Variants in PCSK2 observed in about 807,000 individuals in gnomAD.
PCSK2 encodes the protein neuroendocrine convertase 2.
A neutral mutation model predicts 69.7 loss-of-function variants in PCSK2; 14 were observed. The observed-to-expected ratio is 0.20, with a 90% CI of 0.13 to 0.31. The LOEUF is 0.31. Among genes scored for constraint, PCSK2 ranks in the 10% least tolerant of loss-of-function variants. The probability of loss-of-function intolerance (pLI) is 1.00; values close to 1 mark genes in which losing one functional copy is unlikely to be tolerated. For missense variants in PCSK2, 544 were observed against 842.5 expected (o/e 0.65, Z 4.39); for synonymous variants, 307 against 320.7 (o/e 0.96, Z 0.46).
At chr20:17,266,176 G>A (rs1403587896) in intron 2 of PCSK2, among the ~76,000 whole-genome samples, 4 of 152,152 alleles carry the variant, frequency 2.6e-5, no homozygotes, top group South Asian at 2.1e-4. Flanking sequence ...TAAAAAGGGC[G>A]GCACTTGAGC....
chr20:17,433,560 C>T lies in PCSK2; in HGVS notation c.710-3148C>T, dbSNP rs888161014. Among the ~76,000 whole-genome samples the T allele has an allele frequency of 3.9e-5, 6 of 152,272 alleles. No homozygotes were observed. The East Asian group carries it at 5.8e-4, about 15-fold the overall frequency. On this transcript the variant is annotated intron_variant, in intron 7 of 11. Transcript: ENST00000262545. ...TCAAATCCCCTGGACATGCAGCCCC[C>T]GGGGCACCAGGGCTAGCCACAGTGC...
chr20:17,303,560 T>A (rs1319649004), intron 2 of PCSK2, among the ~76,000 whole-genome samples: 2 of 104,168 alleles, frequency 1.9e-5, no homozygotes, highest in Admixed American at 2.8e-4. Flanking sequence ...ATAATATATA[T>A]TATATAATAT....
At chr20:17,332,859 T>C (rs1252954110) in intron 2 of PCSK2, among the ~76,000 whole-genome samples, 5 of 152,198 alleles carry the variant, frequency 3.3e-5, no homozygotes, top group South Asian at 4.1e-4. Context: ...ATATGCAATA[T>C]AGTCTTTGAA....
At chr20:17,428,902 G>A (rs2032303821) in intron 6 of PCSK2, among the ~76,000 whole-genome samples, 1 of 142,664 alleles carries the variant, frequency 7.0e-6, no homozygotes, top group African/African-American at 2.6e-5. Context: ...AAGAGGCTGA[G>A]GCAAGAGAAT....
intron 2 of PCSK2, among the ~76,000 whole-genome samples, chr20:17,303,544 TA>T: frequency 3.2e-5 from 1 of 31,152 alleles, no homozygotes; most frequent in South Asian, 7.3e-4. Flanking sequence ...TTATATATAA[TA>T]TGATATAATA....
chr20:17,281,166 C>T (rs1391156999), intron 2 of PCSK2, among the ~76,000 whole-genome samples: 1 of 152,186 alleles, frequency 6.6e-6, no homozygotes, highest in African/African-American at 2.4e-5. Flanking sequence ...GTTGATTTAC[C>T]ATCCACGTTG....
At chr20:17,319,810 G>T (rs554969956) in intron 2 of PCSK2, among the ~76,000 whole-genome samples, 54 of 152,236 alleles carry the variant, frequency 3.5e-4, no homozygotes, top group Admixed American at 1.7e-3. Flanking sequence ...TGCCAAAATG[G>T]ATCTCAGCTA....
At chr20:17,353,235 G>A (rs2030057579) in intron 2 of PCSK2, among the ~76,000 whole-genome samples, 1 of 138,812 alleles carries the variant, frequency 7.2e-6, no homozygotes. Flanking sequence ...GGCCAAGGCG[G>A]GCGGATCACG....
At chr20:17,416,521 A>G (rs1301094789) in intron 6 of PCSK2, among the ~76,000 whole-genome samples, 7 of 151,706 alleles carry the variant, frequency 4.6e-5, no homozygotes, top group African/African-American at 1.7e-4. Flanking sequence ...GTCAGGAAAC[A>G]ACAAATGCTG....
chr20:17,228,299 A>T (rs1371614389), intron 1 of PCSK2: 8 of 152,330 alleles, frequency 5.3e-5, no homozygotes, highest in Admixed American at 5.2e-4. Flanking sequence ...GTTTGAGCAG[A>T]TAGGTGAGCC....
intron 8 of PCSK2, 44 bp downstream of exon 8, chr20:17,436,927 G>A (rs1164387868): frequency 6.6e-7 from 1 of 1,515,580 alleles, no homozygotes; most frequent in Non-Finnish European, 8.9e-7. Flanking sequence ...CACAAGTTGG[G>A]ACAAAGTGGG....
At chr20:17,448,371 C>T (rs1180895229) in intron 8 of PCSK2, among the ~76,000 whole-genome samples, 1 of 152,166 alleles carries the variant, frequency 6.6e-6, no homozygotes, top group Non-Finnish European at 1.5e-5. Context: ...AGCCACTGCA[C>T]CAGTCTCTAG....
chr20:17,401,180 A>C (rs530722687), intron 5 of PCSK2, among the ~76,000 whole-genome samples: 3 of 152,252 alleles, frequency 2.0e-5, no homozygotes, highest in Non-Finnish European at 2.9e-5. Flanking sequence ...TTTTAAATAC[A>C]TTAACAAGAT....
intron 2 of PCSK2, among the ~76,000 whole-genome samples, chr20:17,341,847 C>G (rs1320586125): frequency 6.6e-6 from 1 of 151,834 alleles, no homozygotes; most frequent in Non-Finnish European, 1.5e-5. Context: ...ATCTCCACAA[C>G]TTTTTTTTTC....
At chr20:17,242,587 CTG>C (rs1986622838) in intron 1 of PCSK2, among the ~76,000 whole-genome samples, 1 of 152,208 alleles carries the variant, frequency 6.6e-6, no homozygotes, top group African/African-American at 2.4e-5. Flanking sequence ...GTGTGACAAA[CTG>C]TTTTAGCAAT....
At chr20:17,394,648 G>T (rs1352374016) in intron 5 of PCSK2, among the ~76,000 whole-genome samples, 2 of 152,184 alleles carry the variant, frequency 1.3e-5, no homozygotes, top group Non-Finnish European at 2.9e-5. Flanking sequence ...ATCTCCAAAA[G>T]GTCTAGGGCA....
intron 8 of PCSK2, among the ~76,000 whole-genome samples, chr20:17,443,718 C>T (rs1295196095): frequency 6.6e-6 from 1 of 152,198 alleles, no homozygotes; most frequent in East Asian, 1.9e-4. Context: ...TCTCCACTGC[C>T]TCTCGAAGCA....
intron 2 of PCSK2, among the ~76,000 whole-genome samples, chr20:17,305,419 A>T (rs868338774): frequency 6.6e-6 from 1 of 152,300 alleles, no homozygotes; most frequent in Middle Eastern, 3.4e-3. Flanking sequence ...GGATAGTAAG[A>T]CAAGAGGGAT....
intron 5 of PCSK2, among the ~76,000 whole-genome samples, chr20:17,372,195 C>T (rs960873429): frequency 1.3e-5 from 2 of 151,818 alleles, no homozygotes; most frequent in African/African-American, 2.4e-5. Context: ...CTGGCTAACA[C>T]GGTGAAACCC....
Sources: allele counts gnomAD v4.1 joint callset (sites outside exome capture counted in the v4.1 genomes callset), GRCh38; gene constraint gnomAD v4.1.1; transcripts MANE v1.5; gene names NCBI Gene and HGNC (gene_info 2026-07-23, HGNC 2026-07-21).